The following PKHD1L1 variants were observed in gnomAD, a reference collection of about 807,000 sequenced individuals.
PKHD1L1 encodes the protein fibrocystin-L.
In PKHD1L1, 434 loss-of-function variants were observed where a neutral mutation model predicts 462.9. The ratio of observed to expected loss-of-function variants is 0.94; its 90% CI spans 0.87 to 1.02. The LOEUF is 1.02. Among genes scored for constraint, PKHD1L1 ranks in the 50% least tolerant of loss-of-function variants. The probability of loss-of-function intolerance (pLI) is 0.00; values close to 1 mark genes in which losing one functional copy is unlikely to be tolerated. For missense variants in PKHD1L1, 5,202 were observed against 5,096.1 expected, an observed-to-expected ratio of 1.02 and a Z score of -0.63; for synonymous variants, 1,781 against 1,750.0, an observed-to-expected ratio of 1.02 and a Z score of -0.44.
intron 22 of PKHD1L1, 83 bp downstream of exon 22, chr8:109,419,343 G>T: frequency 2.8e-6 from 3 of 1,054,508 alleles, no homozygotes; most frequent in Non-Finnish European, 3.9e-6. Flanking sequence ...TCTGCAGTAT[G>T]GATAGAAACA....
intron 70 of PKHD1L1, 53 bp from the exon 71 acceptor site, chr8:109,510,724 A>G (rs532087546): frequency 6.6e-7 from 1 of 1,518,038 alleles, no homozygotes; most frequent in African/African-American, 1.4e-5. Flanking sequence ...CAGATTTTAT[A>G]CTAATAAAAT....
In PKHD1L1 at chr8:109,398,489, A is replaced by T. The variant is rs1234798200; in HGVS notation, c.953A>T (p.Glu318Val). 5.1e-6 allele frequency: 8 copies of T among 1,568,826 alleles called. No homozygotes were observed. The highest frequency in any genetic ancestry group is 6.9e-6 in the Non-Finnish European group (8 of 1,153,122). ...GEPCDILNVTENSICCKTPPK... is the reference protein window; with the variant it reads ...GEPCDILNVTVNSICCKTPPK... Reference sequence around the variant, plus strand: ...CCTTGTGATATTTTGAATGTCACAGAAAATAGTATATGTTGCAAGACACCC... The same window carrying T: ...CCTTGTGATATTTTGAATGTCACAGTAAATAGTATATGTTGCAAGACACCC... The change falls in exon 12 of 78, where the codon GAA (glutamate) becomes GTA (valine). Residue 318 changes from glutamate to valine, a missense_variant. Transcript: ENST00000378402.
In PKHD1L1 at chr8:109,522,822, C is replaced by T. The variant is rs1290256703; in HGVS notation, c.12262C>T (p.Gln4088Ter). ...AFVSSLLVITQPVAAQPGQPF... is the reference protein window; with the variant it reads ...AFVSSLLVIT The stretch of plus-strand genomic sequence containing the variant: ...CGTGTCCTCACTCTTAGTGATCACT[C>T]AGCCGGTGGCAGCACAGCCAGGACA... The change falls in exon 75 of 78, where the codon CAG (glutamine) becomes TAG (stop). Residue 4088 changes from glutamine (Q) to a stop codon, truncating the protein, a stop_gained. Transcript: ENST00000378402. LOFTEE classifies it high-confidence loss of function. 1.2e-5 allele frequency: 19 copies of T among 1,612,086 alleles called. No individual in the cohort carries two copies. Among genetic ancestry groups the T allele is most frequent in the South Asian group, 6.6e-5 (6 of 90,816 alleles).
chr8:109,420,512 CT>C lies in PKHD1L1; in HGVS notation c.2525-3del, dbSNP rs1814405652. ...CCAACCTAATATTTTTATTTATATT[CT>C]TTAGAAATGCCCAAGAGAAGACTTC... On this transcript the variant is annotated splice_region_variant and splice_polypyrimidine_tract_variant and intron_variant, in intron 22 of 77. Coordinates refer to ENST00000378402, the MANE Select transcript of PKHD1L1 (RefSeq NM_177531.6). 6.5e-7 allele frequency: 1 copy of C among 1,535,572 alleles called. No individual in the cohort carries two copies. Among genetic ancestry groups the C allele is most frequent in the Non-Finnish European group, 8.7e-7 (1 of 1,143,806 alleles).
At chr8:109,451,987 C>T (rs1816545176) in intron 41 of PKHD1L1, 137 bp from the exon 42 acceptor site, 2 of 670,060 alleles carry the variant, frequency 3.0e-6, no homozygotes, top group Non-Finnish European at 2.3e-6. Context: ...TGAAAAAAAG[C>T]ATCAATCTAC....
chr8:109,446,707 T>C (rs1407456688), intron 38 of PKHD1L1, among the ~76,000 whole-genome samples: 1 of 152,186 alleles, frequency 6.6e-6, no homozygotes, highest in African/African-American at 2.4e-5. Context: ...GTTTCTTATT[T>C]CCATGGACTG....
rs1472652609 is a variant in PKHD1L1, at chr8:109,438,447, A to T, written c.3751A>T (p.Thr1251Ser). 1.9e-6 allele frequency: 3 copies of T among 1,540,656 alleles called. No homozygotes were observed. In the East Asian group the frequency reaches 7.3e-5, roughly 38 times the overall value. Residue 1251 changes from threonine to serine, a missense_variant, in exon 31 of 78, where the codon ACA becomes TCA. Physicochemically the swap from Thr to Ser is moderately conservative, Grantham distance 58. Coordinates refer to ENST00000378402, the MANE Select transcript of PKHD1L1 (RefSeq NM_177531.6). ...IITDFSPKVR[T>S]ILGEVNLTIK... ...AACTGATTTTAGTCCAAAAGTACGA[A>T]CAATACTAGGTAAGAAATTCTTCAA...
In PKHD1L1 at chr8:109,464,307, G is replaced by A. The variant is rs1586568590; in HGVS notation, c.7475G>A (p.Gly2492Asp). The A allele has an allele frequency of 4.3e-6, 7 of 1,613,060 alleles. No individual in the cohort carries two copies. The highest frequency in any genetic ancestry group is 5.1e-6 in the Non-Finnish European group (6 of 1,179,488). ...TTACAGTTTAAATCTTATGTAAGAG[G>A]CTGTGCAATTCACCAGGCCTATAAC... Reference protein sequence around the residue: ...GDLQFKSYVRGCAIHQAYNRA... With the variant: ...GDLQFKSYVRDCAIHQAYNRA... Residue 2492 changes from glycine (G) to aspartate (D), a missense_variant, in exon 49 of 78, where the codon GGC (glycine) becomes GAC (aspartate). Gly to Asp is a moderately conservative substitution (Grantham distance 94, BLOSUM62 -1). Around this residue, in one of 3 missense-constraint regions of PKHD1L1, gnomAD observed 4,497 missense variants for 4,336.8 expected, o/e 1.04. Coordinates refer to ENST00000378402, the MANE Select transcript of PKHD1L1 (RefSeq NM_177531.6).
intron 40 of PKHD1L1, 116 bp from the exon 41 acceptor site, chr8:109,450,859 T>TGGAAAAGGAAGATGATTGTG (rs1816448476): frequency 9.7e-7 from 1 of 1,034,432 alleles, no homozygotes; most frequent in Admixed American, 2.7e-5. Context: ...CTAGGTATAT[T>TGGAAAAGGAAGATGATTGTG]GGAAAAGGAA....
intron 27 of PKHD1L1, among the ~76,000 whole-genome samples, chr8:109,432,628 C>A (rs371042249): frequency 4.5e-4 from 69 of 152,122 alleles, no homozygotes; most frequent in African/African-American, 1.7e-3. Flanking sequence ...AGGTGTAAAC[C>A]AGAACTGTCC....
chr8:109,476,270 TAC>T (rs543122066), intron 51 of PKHD1L1, among the ~76,000 whole-genome samples: 4 of 151,044 alleles, frequency 2.6e-5, no homozygotes, highest in Non-Finnish European at 5.9e-5. Context: ...TATATATACA[TAC>T]ACACACACAG....
intron 23 of PKHD1L1, among the ~76,000 whole-genome samples, chr8:109,424,850 T>C (rs1398990891): frequency 1.3e-5 from 2 of 152,204 alleles, no homozygotes; most frequent in African/African-American, 4.8e-5. Flanking sequence ...TAATGAGGTA[T>C]TACTGCAGTT....
Position 109,464,868 on chromosome 8 carries a change from A to T in PKHD1L1, c.8036A>T (p.Tyr2679Phe). ...CATAACTTTGTGATGGTGAATAACT[A>T]TGAGGCTGGAATTGAGACTAAGAGG... ...QFHNFVMVNN[Y>F]EAGIETKRIL... Residue 2679 changes from tyrosine (Y) to phenylalanine (F), a missense_variant, in exon 49 of 78, where the codon TAT becomes TTT. This residue lies in a region of PKHD1L1 where 4,497 missense variants were observed against 4,336.8 expected (regional missense o/e 1.04). Transcript: ENST00000378402. The T allele has an allele frequency of 6.2e-7, 1 of 1,613,826 alleles. No individual in the cohort carries two copies. Among genetic ancestry groups the T allele is most frequent in the Non-Finnish European group, 8.5e-7 (1 of 1,179,796 alleles).
In PKHD1L1 at chr8:109,408,784, C is replaced by T. The variant is rs559838545; in HGVS notation, c.1971+578C>T. Reference sequence around the variant, plus strand: ...GGAGCATCCTTTCAAAGAGGAGAGACGTTTAAACAGAACACCATTTAAATG... The same window carrying T: ...GGAGCATCCTTTCAAAGAGGAGAGATGTTTAAACAGAACACCATTTAAATG... On this transcript the variant is annotated intron_variant, in intron 18 of 77. Coordinates refer to ENST00000378402, the MANE Select transcript of PKHD1L1 (RefSeq NM_177531.6). 1.4e-3 allele frequency among the ~76,000 whole-genome samples: 220 copies of T among 152,198 alleles called. 1 individual carries two copies. Among genetic ancestry groups the T allele is most frequent in the African/African-American group, 4.9e-3 (205 of 41,524 alleles).
At position 109,510,769 on chromosome 8, in the gene PKHD1L1, G is replaced by A. The variant is rs1819930092; in HGVS notation, c.11396-8G>A. ...AGGAGTATGCACTTTCATTTTGCAT[G>A]GATTTAGGCCCACAGGATCATGGCT... On this transcript the variant is annotated splice_polypyrimidine_tract_variant and splice_region_variant and intron_variant, in intron 70 of 77. Transcript: ENST00000378402. 6.2e-7 allele frequency: 1 copy of A among 1,608,096 alleles called. No individual in the cohort carries two copies. The highest frequency in any genetic ancestry group is 8.5e-7 in the Non-Finnish European group (1 of 1,177,738).
At chr8:109,398,661 A>G in intron 12 of PKHD1L1, 113 bp downstream of exon 12, 1 of 442,910 alleles carries the variant, frequency 2.3e-6, no homozygotes, top group Non-Finnish European at 3.7e-6. Flanking sequence ...GAATTGTAAG[A>G]AATTTCCTCC....
intron 24 of PKHD1L1, 149 bp from the exon 25 acceptor site, chr8:109,426,853 A>G (rs1563529187): frequency 5.0e-6 from 3 of 601,748 alleles, no homozygotes; most frequent in South Asian, 1.9e-5. Flanking sequence ...GGGTTTTACC[A>G]TGTTGGCCAG....
intron 68 of PKHD1L1, 75 bp downstream of exon 68, chr8:109,504,567 G>C (rs1819598451): frequency 1.1e-6 from 1 of 938,806 alleles, no homozygotes; most frequent in Non-Finnish European, 1.5e-6. Context: ...CAAGATCTGA[G>C]AAAGTTGGCA....
intron 21 of PKHD1L1, among the ~76,000 whole-genome samples, chr8:109,414,961 C>CATTATT (rs3058250): frequency 1.4e-5 from 2 of 140,680 alleles, no homozygotes; most frequent in Non-Finnish European, 1.5e-5. Context: ...ATCATCCCAA[C>CATTATT]ATTATTATTA....
Sources: gnomAD v4.1 joint callset for allele counts (sites outside exome capture counted in the v4.1 genomes callset) on GRCh38, gnomAD v4.1.1 for gene constraint, gnomAD v4.1.1 regional missense constraint, MANE v1.5 for transcripts, NCBI Gene and HGNC (gene_info 2026-07-23, HGNC 2026-07-21) for gene names.